The following MTMR14 variants were observed in gnomAD, a reference collection of about 807,000 sequenced individuals.
MTMR14 encodes phosphatidylinositol-3,5-bisphosphate 3-phosphatase MTMR14.
Under a neutral mutation model 86.3 loss-of-function variants are expected in MTMR14, and 48 were observed. The ratio of observed to expected loss-of-function variants is 0.56; its 90% CI spans 0.44 to 0.71. The LOEUF is 0.71. Ranked by LOEUF, MTMR14 falls within the 30% of genes least tolerant of loss-of-function variation. The pLI, the probability that MTMR14 is intolerant of heterozygous loss-of-function variation, is 0.00. For missense variants in MTMR14, 780 were observed against 834.6 expected, an observed-to-expected ratio of 0.93 and a Z score of 0.81; for synonymous variants, 366 against 326.1, an observed-to-expected ratio of 1.12 and a Z score of -1.32.
intron 17 of MTMR14, among the ~76,000 whole-genome samples, chr3:9,692,578 T>TGGCCTC (rs959381630): frequency 1.4e-3 from 219 of 152,376 alleles, no homozygotes; most frequent in African/African-American, 5.1e-3. Context: ...CCACCTTGCA[T>TGGCCTC]GGCCTCGGCC....
intron 1 of MTMR14, among the ~76,000 whole-genome samples, chr3:9,652,156 G>C (rs1473350704): frequency 6.6e-6 from 1 of 152,028 alleles, no homozygotes; most frequent in East Asian, 1.9e-4. Context: ...AGTAGAGAAA[G>C]GGTTTCACCT....
At chr3:9,680,341 G>GCTGAAC (rs2075720197) in intron 9 of MTMR14, among the ~76,000 whole-genome samples, 2 of 152,222 alleles carry the variant, frequency 1.3e-5, no homozygotes, top group Non-Finnish European at 1.5e-5. Context: ...GCATCTCACA[G>GCTGAAC]CTGAACCTGG....
intron 1 of MTMR14, among the ~76,000 whole-genome samples, chr3:9,652,988 G>A (rs553582398): frequency 4.6e-5 from 7 of 152,158 alleles, no homozygotes; most frequent in Non-Finnish European, 8.8e-5. Context: ...TGTAATCCCA[G>A]CACTTGGGGA....
rs1559583518 is a variant in MTMR14, at chr3:9,672,750, CG to C, written c.744del (p.Tyr249IlefsTer33). On this transcript the variant is annotated frameshift_variant, in exon 7 of 19. Transcript: ENST00000296003. LOFTEE classifies it high-confidence loss of function. The stretch of plus-strand genomic sequence containing the variant: ...GCCGACTTCACTCTCCTCTCCATCC[CG>C]TATCCAGGTAGGGGGCTCTCTTCTA... ...RYADFTLLSI[P>X]YPGCEFFKEY... 6.2e-7 allele frequency: 1 copy of C among 1,614,126 alleles called. No individual in the cohort carries two copies. Among genetic ancestry groups the C allele is most frequent in the Non-Finnish European group, 8.5e-7 (1 of 1,179,988 alleles).
At chr3:9,692,686 C>T (rs1336472178) in intron 17 of MTMR14, among the ~76,000 whole-genome samples, 1 of 152,218 alleles carries the variant, frequency 6.6e-6, no homozygotes, top group Admixed American at 6.5e-5. Context: ...CCACTGAGCC[C>T]AGCTTGAAGC....
At chr3:9,665,541 G>GGGTGATGAGTTAAATAAAT (rs1228713822) in intron 3 of MTMR14, among the ~76,000 whole-genome samples, 7 of 152,072 alleles carry the variant, frequency 4.6e-5, no homozygotes, top group East Asian at 1.9e-4. Flanking sequence ...TTCACCATTT[G>GGGTGATGAGTTAAATAAAT]GGTGATGAGT....
At chr3:9,662,853 G>C (rs12495036) in intron 3 of MTMR14, among the ~76,000 whole-genome samples, 24,645 of 152,086 alleles carry the variant, frequency 0.16, 2,908 homozygotes, top group African/African-American at 0.34. Flanking sequence ...AATCTTTATT[G>C]TCATGGAGCT....
chr3:9,672,460 T>G (rs2048618240), intron 6 of MTMR14, among the ~76,000 whole-genome samples: 1 of 152,180 alleles, frequency 6.6e-6, no homozygotes, highest in African/African-American at 2.4e-5. Context: ...AGGCTGGTCT[T>G]GACGGGGTTT....
intron 1 of MTMR14, among the ~76,000 whole-genome samples, chr3:9,653,333 G>A (rs1236851784): frequency 2.0e-5 from 3 of 152,216 alleles, no homozygotes; most frequent in African/African-American, 7.2e-5. Flanking sequence ...TTTATGGGTT[G>A]TAGACCTCTT....
chr3:9,678,068 C>G lies in MTMR14; in HGVS notation c.897+10C>G. 1 of 1,613,842 alleles carries G rather than the reference C, an allele frequency of 6.2e-7. No individual in the cohort carries two copies. ...CTGGAGCCAGTATCAGGTGAGGGGCCTGACTCAAGCATTGAGGGCAGGATA... is the reference window on the plus strand; with the variant it reads ...CTGGAGCCAGTATCAGGTGAGGGGCGTGACTCAAGCATTGAGGGCAGGATA... On this transcript the variant is annotated intron_variant, in intron 9 of 18. Coordinates refer to ENST00000296003, the MANE Select transcript of MTMR14 (RefSeq NM_001077525.3).
At chr3:9,692,535 C>G (rs1000929078) in intron 17 of MTMR14, among the ~76,000 whole-genome samples, 1 of 152,250 alleles carries the variant, frequency 6.6e-6, no homozygotes, top group Non-Finnish European at 1.5e-5. Flanking sequence ...TCTGAGCTCA[C>G]ATGCCTCCCC....
Position 9,684,828 on chromosome 3 carries a change from A to G in MTMR14, c.1051-60A>G, listed in dbSNP as rs377150582. On this transcript the variant is annotated intron_variant, in intron 11 of 18. Transcript: ENST00000296003. ...GCCTGCGTTGTCACTGGGTCTGGTTATGGTTCAGCTCCTGGGGATGAGAAG... is the reference window on the plus strand; with the variant it reads ...GCCTGCGTTGTCACTGGGTCTGGTTGTGGTTCAGCTCCTGGGGATGAGAAG... The G allele has an allele frequency of 3.4e-5, 54 of 1,590,952 alleles. No homozygotes were observed. The African/African-American group carries it at 6.6e-4, about 19-fold the overall frequency.
intron 3 of MTMR14, among the ~76,000 whole-genome samples, chr3:9,665,648 C>T (rs1285087218): frequency 2.0e-5 from 3 of 152,072 alleles, no homozygotes; most frequent in East Asian, 1.9e-4. Context: ...GAAATGCTTG[C>T]GTTCTGCTTC....
At chr3:9,652,241 A>G (rs892415475) in intron 1 of MTMR14, among the ~76,000 whole-genome samples, 3 of 152,216 alleles carry the variant, frequency 2.0e-5, no homozygotes, top group Admixed American at 1.3e-4. Flanking sequence ...TGCTGGGATT[A>G]TAGGCGTGAG....
chr3:9,681,341 C>G (rs182249537), intron 9 of MTMR14, among the ~76,000 whole-genome samples: 112 of 152,314 alleles, frequency 7.4e-4, no homozygotes, highest in Non-Finnish European at 1.1e-3. Flanking sequence ...ATTGCCCCAG[C>G]TATGAAGAAG....
chr3:9,661,576 GAT>G (rs780475297), intron 2 of MTMR14, among the ~76,000 whole-genome samples: 2 of 152,080 alleles, frequency 1.3e-5, no homozygotes, highest in Non-Finnish European at 2.9e-5. Flanking sequence ...GCAAAAAATA[GAT>G]AGTCACAAAA....
intron 7 of MTMR14, among the ~76,000 whole-genome samples, chr3:9,674,070 G>A (rs1284411874): frequency 6.6e-6 from 1 of 152,154 alleles, no homozygotes; most frequent in Non-Finnish European, 1.5e-5. Context: ...TCCATAGCTG[G>A]TTTTCAGACA....
chr3:9,683,392 G>C (rs913256093), intron 10 of MTMR14, 148 bp downstream of exon 10: 1 of 747,174 alleles, frequency 1.3e-6, no homozygotes, highest in Admixed American at 2.3e-5. Flanking sequence ...AATCCCAGAG[G>C]CTGGGTGGGA....
At chr3:9,668,580 C>G in intron 3 of MTMR14, 139 bp from the exon 4 acceptor site, 1 of 789,672 alleles carries the variant, frequency 1.3e-6, no homozygotes, top group Non-Finnish European at 2.2e-6. Flanking sequence ...TTGTGGCAGC[C>G]TTGATGCTGA....
Sources: allele counts gnomAD v4.1 joint callset (sites outside exome capture counted in the v4.1 genomes callset), GRCh38; gene constraint gnomAD v4.1.1; transcripts MANE v1.5; gene names NCBI Gene and HGNC (gene_info 2026-07-23, HGNC 2026-07-21).